Variants in SCML4 observed in about 807,000 individuals in gnomAD.
SCML4 encodes the protein Scm polycomb group protein like 4.
In SCML4, 34 loss-of-function variants were observed where a neutral mutation model predicts 41.1. That is an observed-to-expected ratio of 0.83 (90% confidence interval 0.63 to 1.10). The LOEUF is 1.10. Ranked by LOEUF, SCML4 falls within the 50% of genes least tolerant of loss-of-function variation. The pLI, the probability that SCML4 is intolerant of heterozygous loss-of-function variation, is 0.00. For synonymous variants in SCML4, 214 were observed against 220.9 expected (o/e 0.97, Z 0.28); for missense variants, 522 against 534.1 (o/e 0.98, Z 0.22).
the SCML4 span, among the ~76,000 whole-genome samples, chr6:107,843,322 A>G: frequency 6.6e-6 from 1 of 152,188 alleles, no homozygotes; most frequent in African/African-American, 2.4e-5. Context: ...GGCATATTAT[A>G]TTTTTTGGGA....
chr6:107,829,813 AATTG>A, the SCML4 span, among the ~76,000 whole-genome samples: 28 of 152,368 alleles, frequency 1.8e-4, no homozygotes, highest in East Asian at 2.1e-3. Flanking sequence ...GGTATGAATT[AATTG>A]ATTGATTAGT....
intron 1 of SCML4, among the ~76,000 whole-genome samples, chr6:107,786,589 T>A (rs1024681390): frequency 3.3e-5 from 5 of 152,244 alleles, no homozygotes; most frequent in Admixed American, 2.6e-4. Flanking sequence ...GAGAAGGCTC[T>A]GTGTCTTCTT....
the SCML4 span, among the ~76,000 whole-genome samples, chr6:107,832,934 C>A: frequency 6.6e-6 from 1 of 152,204 alleles, no homozygotes; most frequent in African/African-American, 2.4e-5. Context: ...CTGAGTTTTG[C>A]ATCCTGGGTT....
intron 2 of SCML4, among the ~76,000 whole-genome samples, chr6:107,762,368 A>T (rs1211078520): frequency 6.6e-6 from 1 of 152,212 alleles, no homozygotes; most frequent in African/African-American, 2.4e-5. Context: ...TTAAGCCCAA[A>T]TTTATTAGTA....
chr6:107,798,396 G>T (rs1782866569), intron 1 of SCML4, among the ~76,000 whole-genome samples: 1 of 151,848 alleles, frequency 6.6e-6, no homozygotes, highest in South Asian at 2.1e-4. Flanking sequence ...AACATAAATT[G>T]TTCATAATAC....
intron 1 of SCML4, among the ~76,000 whole-genome samples, chr6:107,792,011 A>AT (rs1782368063): frequency 6.6e-6 from 1 of 152,252 alleles, no homozygotes; most frequent in Admixed American, 6.5e-5. Context: ...ACCTAACTAG[A>AT]TTTACTTTGG....
At chr6:107,741,990 G>A (rs1777635628) in intron 5 of SCML4, among the ~76,000 whole-genome samples, 1 of 152,116 alleles carries the variant, frequency 6.6e-6, no homozygotes, top group South Asian at 2.1e-4. Context: ...CTCTGACCAA[G>A]AATTCAAAAT....
At chr6:107,839,339 GAAAAA>G in the SCML4 span, among the ~76,000 whole-genome samples, 1 of 130,498 alleles carries the variant, frequency 7.7e-6, no homozygotes. Context: ...AAGAGAGAGA[GAAAAA>G]GAAAGAAAGA....
At chr6:107,731,135 G>A (rs927289332) in intron 5 of SCML4, among the ~76,000 whole-genome samples, 3 of 152,094 alleles carry the variant, frequency 2.0e-5, no homozygotes, top group Non-Finnish European at 4.4e-5. Context: ...AGAAAGCCAC[G>A]AGCCAGAGAG....
At chr6:107,747,753 TA>T (rs921535846) in intron 3 of SCML4, among the ~76,000 whole-genome samples, 3 of 152,176 alleles carry the variant, frequency 2.0e-5, no homozygotes, top group African/African-American at 7.2e-5. Context: ...AATCCTTTTT[TA>T]GCAGGAAGAT....
At chr6:107,744,913 T>C (rs200851875) in intron 5 of SCML4, 36 bp downstream of exon 5, 1 of 1,487,880 alleles carries the variant, frequency 6.7e-7, no homozygotes, top group Non-Finnish European at 9.1e-7. Flanking sequence ...GACAGGGAGG[T>C]GTCCCTGCAG....
chr6:107,719,181 G>A (rs1237836311), intron 6 of SCML4: 1 of 152,288 alleles, frequency 6.6e-6, no homozygotes, highest in African/African-American at 2.4e-5. Flanking sequence ...ATGGCCCTGT[G>A]TGACAGTGTT....
intron 3 of SCML4, among the ~76,000 whole-genome samples, chr6:107,747,111 G>C (rs1361286570): frequency 6.6e-6 from 1 of 152,188 alleles, no homozygotes; most frequent in Non-Finnish European, 1.5e-5. Flanking sequence ...GGGCTTTCTT[G>C]GTTGGAAACA....
At chr6:107,721,392 C>T (rs1340603614) in intron 5 of SCML4, among the ~76,000 whole-genome samples, 1 of 152,008 alleles carries the variant, frequency 6.6e-6, no homozygotes, top group African/African-American at 2.4e-5. Context: ...GATGAAACTC[C>T]ATCTCTACTA....
chr6:107,816,300 A>G (rs1269625279), intron 1 of SCML4, among the ~76,000 whole-genome samples: 1 of 152,212 alleles, frequency 6.6e-6, no homozygotes, highest in East Asian at 1.9e-4. Flanking sequence ...GCAAATGTGT[A>G]TTATCATCCA....
upstream of SCML4, chr6:107,824,462 CTGTGTGTGTGTGTGTGTGTGTGTG>C (rs58212021): frequency 1.4e-4 from 19 of 134,852 alleles, no homozygotes; most frequent in South Asian, 2.6e-4. Context: ...AACGAGGCCT[CTGTGTGTGTGTGTGTGTGTGTGTG>C]TGTGTGTGTG....
At chr6:107,713,280 G>T (rs1471851344) in intron 6 of SCML4, among the ~76,000 whole-genome samples, 1 of 152,218 alleles carries the variant, frequency 6.6e-6, no homozygotes, top group Admixed American at 6.5e-5. Context: ...AGCGGAATTA[G>T]CAGTGAGCTG....
chr6:107,841,222 G>A, the SCML4 span, among the ~76,000 whole-genome samples: 4 of 151,882 alleles, frequency 2.6e-5, no homozygotes, highest in Non-Finnish European at 5.9e-5. Flanking sequence ...CTGCTCAGGA[G>A]GCTGAGGTGG....
At chr6:107,727,055 C>A (rs1562187868) in intron 5 of SCML4, among the ~76,000 whole-genome samples, 1 of 152,132 alleles carries the variant, frequency 6.6e-6, no homozygotes, top group Non-Finnish European at 1.5e-5. Flanking sequence ...ATCCATACAA[C>A]AAAATATTAT....
Sources: allele counts gnomAD v4.1 joint callset (sites outside exome capture counted in the v4.1 genomes callset), GRCh38; gene constraint gnomAD v4.1.1; transcripts MANE v1.5; gene names NCBI Gene and HGNC (gene_info 2026-07-23, HGNC 2026-07-21).